Variants in RBFOX1 observed in about 807,000 individuals in gnomAD.
RBFOX1 encodes the protein RNA binding protein fox-1 homolog 1.
Under a neutral mutation model 57.7 loss-of-function variants are expected in RBFOX1, and 8 were observed. The ratio of observed to expected loss-of-function variants is 0.14; its 90% CI spans 0.08 to 0.25. The LOEUF is 0.25. Among genes scored for constraint, RBFOX1 ranks in the 10% least tolerant of loss-of-function variants. RBFOX1 has a pLI of 1.00. For missense variants in RBFOX1, 611 were observed against 548.5 expected (o/e 1.11, Z -1.14); for synonymous variants, 326 against 222.4 (o/e 1.47, Z -4.15).
At chr16:7,030,620 G>A (rs959638811) in intron 3 of RBFOX1, among the ~76,000 whole-genome samples, 1 of 152,046 alleles carries the variant, frequency 6.6e-6, no homozygotes, top group Admixed American at 6.6e-5. Flanking sequence ...CACTCCCTTT[G>A]GATCTAGGAC....
chr16:6,190,034 G>A (rs996682346), intron 1 of RBFOX1, among the ~76,000 whole-genome samples: 2 of 152,220 alleles, frequency 1.3e-5, no homozygotes, highest in South Asian at 2.1e-4. Context: ...TAAACATTTT[G>A]TGAAGTTATC....
intron 4 of RBFOX1, among the ~76,000 whole-genome samples, chr16:5,936,413 T>G (rs996512520): frequency 1.3e-5 from 2 of 152,184 alleles, no homozygotes; most frequent in Non-Finnish European, 2.9e-5. Context: ...TATGAGCCAC[T>G]GCACCTGGCC....
intron 2 of RBFOX1, among the ~76,000 whole-genome samples, chr16:6,647,502 A>G (rs193197635): frequency 5.9e-5 from 9 of 152,008 alleles, no homozygotes; most frequent in African/African-American, 1.7e-4. Context: ...CCTGCCTTAG[A>G]CTCCCAAAGT....
intron 3 of RBFOX1, among the ~76,000 whole-genome samples, chr16:7,039,066 A>C (rs190793898): frequency 1.3e-4 from 20 of 152,094 alleles, no homozygotes; most frequent in African/African-American, 4.6e-4. Context: ...TGCTCACTAA[A>C]TGTGTTGTCC....
chr16:6,419,373 A>G (rs146867057), intron 2 of RBFOX1, among the ~76,000 whole-genome samples: 142 of 152,262 alleles, frequency 9.3e-4, no homozygotes, highest in Non-Finnish European at 1.7e-3. Context: ...TGTGGAGTGT[A>G]TGGCTTGGTT....
At chr16:7,199,282 G>T (rs978890578) in intron 4 of RBFOX1, among the ~76,000 whole-genome samples, 1 of 152,062 alleles carries the variant, frequency 6.6e-6, no homozygotes, top group Non-Finnish European at 1.5e-5. Context: ...ACACCAAAGT[G>T]CCCTTTTATG....
In RBFOX1 at chr16:6,654,552, G is replaced by C. The variant is rs1002788662; in HGVS notation, c.-63-51G>C. On this transcript the variant is annotated intron_variant, in intron 2 of 15. Transcript: ENST00000550418. ...ACCACTGAATGTTCTCTGACCATAAGTCTGACTCCTGTTCTTTCTCTCACT... is the reference window on the plus strand; with the variant it reads ...ACCACTGAATGTTCTCTGACCATAACTCTGACTCCTGTTCTTTCTCTCACT... 7 of 1,403,374 alleles carry C rather than the reference G, an allele frequency of 5.0e-6. No individual in the cohort carries two copies. The South Asian group carries it at 9.4e-5, about 19-fold the overall frequency. 86.9% of individuals were successfully genotyped at this position (1,403,374 alleles called of 1,614,324 possible).
chr16:5,950,291 A>G (rs1445978909), intron 4 of RBFOX1, among the ~76,000 whole-genome samples: 2 of 152,196 alleles, frequency 1.3e-5, no homozygotes, highest in Non-Finnish European at 1.5e-5. Flanking sequence ...TAGACTGAAC[A>G]CCCAGGAAGC....
intron 2 of RBFOX1, among the ~76,000 whole-genome samples, chr16:6,512,200 C>T (rs1331048666): frequency 2.1e-5 from 3 of 145,546 alleles, no homozygotes; most frequent in Non-Finnish European, 3.0e-5. Context: ...CGTAGGATTG[C>T]TTGAGCCCAG....
intron 3 of RBFOX1, among the ~76,000 whole-genome samples, chr16:5,667,270 C>G (rs1157266166): frequency 6.6e-6 from 1 of 152,202 alleles, no homozygotes; most frequent in East Asian, 1.9e-4. Flanking sequence ...TGAGTTCAAG[C>G]TATAGCTATT....
At chr16:6,240,327 C>A (rs1034589752) in intron 1 of RBFOX1, among the ~76,000 whole-genome samples, 33 of 152,208 alleles carry the variant, frequency 2.2e-4, no homozygotes, top group African/African-American at 7.7e-4. Context: ...TAATTGTCTC[C>A]AAGGTTATTG....
At chr16:5,455,176 G>A (rs2068592703) in intron 1 of RBFOX1, among the ~76,000 whole-genome samples, 2 of 151,226 alleles carry the variant, frequency 1.3e-5, no homozygotes, top group East Asian at 3.9e-4. Context: ...ACATGTCTTG[G>A]GCCTCATCTG....
chr16:7,265,485 G>T (rs1282799007), intron 4 of RBFOX1, among the ~76,000 whole-genome samples: 1 of 151,810 alleles, frequency 6.6e-6, no homozygotes, highest in Non-Finnish European at 1.5e-5. Flanking sequence ...GTCTTGCTCT[G>T]TCACCCAGGC....
chr16:7,505,169 A>G (rs2079182830), intron 4 of RBFOX1, among the ~76,000 whole-genome samples: 1 of 151,490 alleles, frequency 6.6e-6, no homozygotes, highest in African/African-American at 2.4e-5. Flanking sequence ...ATGCTTTTGT[A>G]CATGTGTGTG....
At chr16:6,706,351 A>G (rs1221666182) in intron 3 of RBFOX1, among the ~76,000 whole-genome samples, 6 of 152,184 alleles carry the variant, frequency 3.9e-5, no homozygotes, top group East Asian at 1.9e-4. Flanking sequence ...TTAATGTGCA[A>G]AACTGTTATG....
At chr16:5,619,673 C>T (rs56262009) in intron 3 of RBFOX1, among the ~76,000 whole-genome samples, 2,424 of 152,274 alleles carry the variant, frequency 0.016, 68 homozygotes, top group African/African-American at 0.052. Flanking sequence ...TGCATCTCTG[C>T]CCAGCTGTTG....
chr16:6,743,092 G>T, intron 3 of RBFOX1, among the ~76,000 whole-genome samples: 1 of 152,092 alleles, frequency 6.6e-6, no homozygotes, highest in East Asian at 1.9e-4. Context: ...AACTGTCTGT[G>T]TATTTGTAAT....
intron 1 of RBFOX1, among the ~76,000 whole-genome samples, chr16:6,200,292 C>CGAAAGGGAGGAAA (rs2097206801): frequency 6.6e-6 from 1 of 152,148 alleles, no homozygotes; most frequent in East Asian, 1.9e-4. Context: ...GCATCCCTTT[C>CGAAAGGGAGGAAA]CTCAAGCCTT....
intron 4 of RBFOX1, among the ~76,000 whole-genome samples, chr16:7,419,136 G>T (rs1174818088): frequency 2.0e-5 from 3 of 152,062 alleles, no homozygotes; most frequent in Non-Finnish European, 4.4e-5. Flanking sequence ...TGGAACTCCT[G>T]GGCTCAAGCA....
Sources: allele counts gnomAD v4.1 joint callset (sites outside exome capture counted in the v4.1 genomes callset), GRCh38; gene constraint gnomAD v4.1.1; transcripts MANE v1.5; gene names NCBI Gene and HGNC (gene_info 2026-07-23, HGNC 2026-07-21).